Variants in DGKD observed in about 807,000 individuals in gnomAD.
DGKD encodes the protein diacylglycerol kinase delta, also known as DAG kinase delta.
A neutral mutation model predicts 154.4 loss-of-function variants in DGKD; 68 were observed. The ratio of observed to expected loss-of-function variants is 0.44; its 90% CI spans 0.36 to 0.54. The LOEUF (loss-of-function observed/expected upper bound fraction) is 0.54. Ranked by LOEUF, DGKD falls within the 20% of genes least tolerant of loss-of-function variation. DGKD has a pLI of 0.00. For missense variants in DGKD, 1,343 were observed against 1,593.6 expected (o/e 0.84, Z 2.68); for synonymous variants, 693 against 638.0 (o/e 1.09, Z -1.30).
At chr2:233,418,728 C>G (rs1184387586) in intron 3 of DGKD, among the ~76,000 whole-genome samples, 3 of 152,138 alleles carry the variant, frequency 2.0e-5, no homozygotes, top group Non-Finnish European at 4.4e-5. Context: ...CCCCTCCTTC[C>G]CCCCAAAGCT....
Position 233,452,988 on chromosome 2 carries a change from C to G in DGKD, c.2264+928C>G, listed in dbSNP as rs966085104. 6.6e-6 allele frequency among the ~76,000 whole-genome samples: 1 copy of G among 152,194 alleles called. No individual in the cohort carries two copies. The highest frequency in any genetic ancestry group is 1.5e-5 in the Non-Finnish European group (1 of 68,028). ...CCTGTTCCTGGCCTGGTCTACTCCT[C>G]CCCTGGGGCTGCGTGGGGCTCCAGT... On this transcript the variant is annotated intron_variant, in intron 18 of 29. Transcript: ENST00000264057. This position sits in a 1 kb window ranked among gnomAD's most constrained non-coding sequence, Gnocchi z 4.0.
At chr2:233,418,173 T>C (rs1413241419) in intron 3 of DGKD, among the ~76,000 whole-genome samples, 2 of 152,248 alleles carry the variant, frequency 1.3e-5, no homozygotes, top group Non-Finnish European at 2.9e-5. Context: ...GTGAGCATGT[T>C]GGAGCTTACT....
In DGKD at chr2:233,438,442, TG is replaced by T; in HGVS notation, c.1085+64del. On this transcript the variant is annotated intron_variant, in intron 9 of 29. Transcript: ENST00000264057. The surrounding 1 kb of genome is among the most constrained non-coding windows in gnomAD (Gnocchi z 4.1). The stretch of plus-strand genomic sequence containing the variant: ...AAAAATTGTGTAGATAGTGTGTGCT[TG>T]TTAAAAAAAAAAAGTTCAAAGACAC... 1 of 1,494,804 alleles carries T rather than the reference TG, an allele frequency of 6.7e-7. No homozygotes were observed. 92.6% of individuals were successfully genotyped at this position (1,494,804 alleles called of 1,614,324 possible).
At chr2:233,409,508 T>G (rs2061769912) in intron 3 of DGKD, among the ~76,000 whole-genome samples, 1 of 146,598 alleles carries the variant, frequency 6.8e-6, no homozygotes, top group Admixed American at 6.8e-5. Context: ...GTCTGTCTGG[T>G]TTTTTTTTTT....
chr2:233,441,840 T>A lies in DGKD; in HGVS notation c.1086-47T>A, dbSNP rs1407816780. 1.3e-6 allele frequency: 2 copies of A among 1,565,088 alleles called. No homozygotes were observed. The highest frequency in any genetic ancestry group is 3.4e-5 in the Admixed American group (2 of 59,062). On this transcript the variant is annotated intron_variant, in intron 9 of 29. Transcript: ENST00000264057. The surrounding 1 kb of genome is among the most constrained non-coding windows in gnomAD (Gnocchi z 5.6). ...CCCGTACTGACAAGCCTGTCATTTGTCCTGTGGAATGGATGTCATTTCACG... is the reference window on the plus strand; with the variant it reads ...CCCGTACTGACAAGCCTGTCATTTGACCTGTGGAATGGATGTCATTTCACG...
intron 12 of DGKD, among the ~76,000 whole-genome samples, chr2:233,447,122 C>G (rs544624408): frequency 6.6e-6 from 1 of 152,294 alleles, no homozygotes; most frequent in South Asian, 2.1e-4. Context: ...GGTGCGCGCC[C>G]GTTCCCTCCC....
chr2:233,420,367 G>GT (rs1466942899), intron 3 of DGKD, among the ~76,000 whole-genome samples: 2 of 151,972 alleles, frequency 1.3e-5, no homozygotes, highest in Admixed American at 6.5e-5. Context: ...CATTCAAAAA[G>GT]TAACACATGA....
At chr2:233,369,601 T>C (rs981480069) in intron 1 of DGKD, among the ~76,000 whole-genome samples, 1 of 152,162 alleles carries the variant, frequency 6.6e-6, no homozygotes, top group Non-Finnish European at 1.5e-5. Context: ...CCCCTCCCCC[T>C]TTCTGTTCTG....
intron 3 of DGKD, among the ~76,000 whole-genome samples, chr2:233,405,981 G>A (rs2061676818): frequency 6.6e-6 from 1 of 152,220 alleles, no homozygotes; most frequent in Admixed American, 6.5e-5. Context: ...CAGAAGAAAT[G>A]TAATTCTATC....
chr2:233,371,156 G>T (rs915541960), intron 1 of DGKD, among the ~76,000 whole-genome samples: 14 of 152,126 alleles, frequency 9.2e-5, no homozygotes, highest in Non-Finnish European at 1.9e-4. Context: ...CTGCACCATT[G>T]TATGTTCCCT....
At chr2:233,421,223 T>C (rs1478750831) in intron 3 of DGKD, among the ~76,000 whole-genome samples, 1 of 152,128 alleles carries the variant, frequency 6.6e-6, no homozygotes, top group African/African-American at 2.4e-5. Flanking sequence ...TAAAGCTTGC[T>C]TCCACCCACA....
intron 1 of DGKD, among the ~76,000 whole-genome samples, chr2:233,373,067 C>T (rs1028214055): frequency 6.6e-6 from 1 of 152,128 alleles, no homozygotes; most frequent in Non-Finnish European, 1.5e-5. Flanking sequence ...GTGCTCTGTG[C>T]GCGTGCTGTC....
rs2228939 is a variant in DGKD at position 233,462,705 on chromosome 2, G to A, written c.3156G>A (p.Thr1052=). The A allele has an allele frequency of 0.098, 157,905 of 1,613,784 alleles. 8,160 individuals carry two copies. The highest frequency in any genetic ancestry group is 0.16 in the African/African-American group (12,204 of 75,024). The part of the protein sequence containing the change: ...VNNFRALRSE[T]ELLLSGKMAL... ...ACTTCAGAGCTCTGCGCAGTGAGACGGAGCTGCTGCTGTCTGGGAAGATGG... is the reference window on the plus strand; with the variant it reads ...ACTTCAGAGCTCTGCGCAGTGAGACAGAGCTGCTGCTGTCTGGGAAGATGG... The change falls in exon 26 of 30, where the codon ACG becomes ACA. Residue 1052 remains threonine (T), a synonymous_variant. Coordinates refer to ENST00000264057, the MANE Select transcript of DGKD (RefSeq NM_152879.3).
In DGKD at chr2:233,388,276, T is replaced by A. The variant is rs1328475649; in HGVS notation, c.176T>A (p.Met59Lys). ...TTTCAGACCATCATCAAAGAGGGGA[T>A]GCTGACCAAACAGAACAATTCATTC... Reference protein sequence around the residue: ...IRQKTIIKEGMLTKQNNSFQR... With the variant: ...IRQKTIIKEGKLTKQNNSFQR... The change falls in exon 2 of 30, where the codon ATG becomes AAG. Residue 59 changes from methionine (M) to lysine (K), a missense_variant. Coordinates refer to ENST00000264057, the MANE Select transcript of DGKD (RefSeq NM_152879.3). 3.7e-6 allele frequency: 6 copies of A among 1,613,950 alleles called. No homozygotes were observed. Among genetic ancestry groups the A allele is most frequent in the Non-Finnish European group, 5.1e-6 (6 of 1,179,960 alleles).
Position 233,454,796 on chromosome 2 carries a change from C to CT in DGKD, c.2299dup (p.Tyr767LeufsTer15), listed in dbSNP as rs961705907. 1 of 1,613,588 alleles carries CT rather than the reference C, an allele frequency of 6.2e-7. No individual in the cohort carries two copies. Among genetic ancestry groups the CT allele is most frequent in the African/African-American group, 1.3e-5 (1 of 74,922 alleles). ...ACACGGAGAAATGTGTCATGAACAA[C>CT]TATTTTGGCATTGGCCTGGATGCGA... is the stretch of plus-strand genomic sequence containing the variant. On this transcript the variant is annotated frameshift_variant, in exon 19 of 30. Transcript: ENST00000264057. LOFTEE classifies it high-confidence loss of function.
At chr2:233,437,523 C>T (rs2062740433) in intron 8 of DGKD, 44 bp downstream of exon 8, 2 of 1,560,772 alleles carry the variant, frequency 1.3e-6, no homozygotes, top group East Asian at 4.5e-5. Flanking sequence ...CGCCCACACG[C>T]TTCCTTCTCC....
At chr2:233,434,677 C>G (rs976149812) in intron 4 of DGKD, 92 bp from the exon 5 acceptor site, 4 of 1,558,442 alleles carry the variant, frequency 2.6e-6, no homozygotes, top group African/African-American at 2.7e-5. Context: ...CCTCTCCTCT[C>G]TTGGATACTT....
intron 10 of DGKD, among the ~76,000 whole-genome samples, chr2:233,443,393 T>G (rs757148660): frequency 1.2e-4 from 18 of 152,178 alleles, no homozygotes; most frequent in Non-Finnish European, 1.6e-4. Context: ...ATTGTTACAT[T>G]AACTTCTTAT....
rs1045451256 is a variant in DGKD, at chr2:233,457,119, C to T, written c.2473-102C>T. 7.7e-7 allele frequency: 1 copy of T among 1,301,660 alleles called. No homozygotes were observed. The highest frequency in any genetic ancestry group is 1.1e-6 in the Non-Finnish European group (1 of 913,018). The allele number at this position is 1,301,660 out of a possible 1,614,324, so 80.6% of individuals were successfully genotyped here. Reference sequence around the variant, plus strand: ...GGGACTTGCCTGGGGATGCCCTGGCCACGGCTGTGCTCCTGAGCCCCTGGC... The same window carrying T: ...GGGACTTGCCTGGGGATGCCCTGGCTACGGCTGTGCTCCTGAGCCCCTGGC... On this transcript the variant is annotated intron_variant, in intron 20 of 29. Coordinates refer to ENST00000264057, the MANE Select transcript of DGKD (RefSeq NM_152879.3). This position sits in a 1 kb window ranked among gnomAD's most constrained non-coding sequence, Gnocchi z 5.5.
Sources: gnomAD v4.1 joint callset for allele counts (sites outside exome capture counted in the v4.1 genomes callset) on GRCh38, gnomAD v4.1.1 for gene constraint, Gnocchi (gnomAD v3.1) non-coding constraint, MANE v1.5 for transcripts, NCBI Gene and HGNC (gene_info 2026-07-23, HGNC 2026-07-21) for gene names.